The following NALF1 variants were observed in gnomAD, a reference collection of about 807,000 sequenced individuals.
The protein encoded by NALF1 is NALCN channel auxiliary factor 1.
A neutral mutation model predicts 48.4 loss-of-function variants in NALF1; 3 were observed. The observed-to-expected ratio is 0.06, with a 90% CI of 0.03 to 0.16. The LOEUF (loss-of-function observed/expected upper bound fraction) is 0.16, where lower values mean the gene tolerates loss of function less well. Among genes scored for constraint, NALF1 ranks in the 10% least tolerant of loss-of-function variants. The pLI is 1.00. For missense variants in NALF1, 526 were observed against 571.5 expected, an observed-to-expected ratio of 0.92 and a Z score of 0.81; for synonymous variants, 262 against 245.7, an observed-to-expected ratio of 1.07 and a Z score of -0.62.
At chr13:107,828,305 G>T (rs1478122854) in intron 1 of NALF1, among the ~76,000 whole-genome samples, 1 of 152,034 alleles carries the variant, frequency 6.6e-6, no homozygotes, top group Non-Finnish European at 1.5e-5. Flanking sequence ...GTTCTAATCT[G>T]CAGTGACTAC....
rs1883088938 is a variant in NALF1, at chr13:107,362,849, G to A, written c.916-152094C>T. On this transcript the variant is annotated intron_variant, in intron 1 of 2. Transcript: ENST00000375915. This position sits in a 1 kb window ranked among gnomAD's most constrained non-coding sequence, Gnocchi z 4.6. Reference sequence around the variant, plus strand: ...CAGGATGAATGTGAGCTTTTGGCAGGTCTAAAGTAAGTGGAGGGATTGGGT... The same window carrying A: ...CAGGATGAATGTGAGCTTTTGGCAGATCTAAAGTAAGTGGAGGGATTGGGT... 6.6e-6 allele frequency among the ~76,000 whole-genome samples: 1 copy of A among 152,134 alleles called. No homozygotes were observed. The highest frequency in any genetic ancestry group is 2.4e-5 in the African/African-American group (1 of 41,412).
Position 107,164,787 on chromosome 13 carries a change from GTGT to G in NALF1, c.*5707_*5709del, listed in dbSNP as rs1187278582. 1 of 148,710 alleles carries G rather than the reference GTGT, an allele frequency of 6.7e-6. No individual in the cohort carries two copies. Among genetic ancestry groups the G allele is most frequent in the East Asian group, 2.0e-4 (1 of 5,118 alleles). The allele number at this position is 148,710 out of a possible 1,614,324, so 9.2% of individuals were successfully genotyped here. On this transcript the variant is annotated 3_prime_UTR_variant, in exon 3 of 3. Transcript: ENST00000375915. ...CAGTCTGCTAGCTTAAGGATGTGAG[GTGT>G]TGTTAAAAAAAAAATGTAATTAAGA... is the stretch of plus-strand genomic sequence containing the variant.
At chr13:107,714,519 T>C (rs950514549) in intron 1 of NALF1, among the ~76,000 whole-genome samples, 1 of 150,524 alleles carries the variant, frequency 6.6e-6, no homozygotes, top group African/African-American at 2.4e-5. Flanking sequence ...ATATAAACGC[T>C]AGCCAGGTAT....
At chr13:107,411,308 T>TG (rs1883986794) in intron 1 of NALF1, among the ~76,000 whole-genome samples, 1 of 141,724 alleles carries the variant, frequency 7.1e-6, no homozygotes, top group South Asian at 2.2e-4. Context: ...CTTGTTTTTT[T>TG]TTTTTTTTTT....
chr13:107,726,913 TTGTGTGTGTGTGTG>T (rs1171461096), intron 1 of NALF1, among the ~76,000 whole-genome samples: 28 of 126,484 alleles, frequency 2.2e-4, no homozygotes, highest in South Asian at 8.4e-4. Context: ...CGGCAAATTC[TTGTGTGTGTGTGTG>T]TGTGTGTGTG....
At chr13:107,680,726 T>C (rs1881274720) in intron 1 of NALF1, among the ~76,000 whole-genome samples, 1 of 123,280 alleles carries the variant, frequency 8.1e-6, no homozygotes, top group South Asian at 3.1e-4. Flanking sequence ...GGTGTGAGAG[T>C]GTATGAGTGT....
At chr13:107,845,621 T>C (rs1291296919) in intron 1 of NALF1, among the ~76,000 whole-genome samples, 1 of 152,174 alleles carries the variant, frequency 6.6e-6, no homozygotes, top group African/African-American at 2.4e-5. Flanking sequence ...CATGAAACCA[T>C]AGTCATATAG....
intron 1 of NALF1, among the ~76,000 whole-genome samples, chr13:107,645,680 C>CAA (rs56187783): frequency 0.016 from 2,154 of 132,070 alleles, 66 homozygotes; most frequent in East Asian, 0.12. Flanking sequence ...TACTGGGAGA[C>CAA]AAAAAAAAAA....
rs1555329721 is a variant in NALF1, at chr13:107,851,805, C to CAT, written c.915+13876_915+13877insAT. On this transcript the variant is annotated intron_variant, in intron 1 of 2. Coordinates refer to ENST00000375915, the MANE Select transcript of NALF1 (RefSeq NM_001080396.3). ...GGATTAAGGGCTTTACAGGCCCTTT[C>CAT]TTTTTTTTTTTTTTTTTTTTTGAGA... Among the ~76,000 whole-genome samples the CAT allele has an allele frequency of 2.8e-3, 296 of 104,734 alleles. 17 individuals are homozygous for CAT. The highest frequency in any genetic ancestry group is 9.5e-3 in the African/African-American group (269 of 28,274). The allele number at this position is 104,734 out of a possible 152,430, so 68.7% of individuals were successfully genotyped here. A position where few individuals can be genotyped will look rare whatever the true frequency, so the allele number is the denominator to read the frequency against.
At chr13:107,779,519 G>T (rs925958872) in intron 1 of NALF1, among the ~76,000 whole-genome samples, 2 of 152,166 alleles carry the variant, frequency 1.3e-5, no homozygotes, top group African/African-American at 4.8e-5. Flanking sequence ...AGTGAGTAGG[G>T]TGAAGGAGAT....
intron 1 of NALF1, among the ~76,000 whole-genome samples, chr13:107,497,316 AC>A (rs1188639972): frequency 2.0e-5 from 3 of 152,202 alleles, no homozygotes; most frequent in Non-Finnish European, 4.4e-5. Context: ...TTTTATCTAA[AC>A]ACAATTTATG....
chr13:107,259,803 C>T (rs1880895336), intron 1 of NALF1, among the ~76,000 whole-genome samples: 1 of 152,186 alleles, frequency 6.6e-6, no homozygotes, highest in Admixed American at 6.5e-5. Flanking sequence ...GACAGTACAG[C>T]AGCTACTTGA....
At chr13:107,493,076 C>A (rs1472350762) in intron 1 of NALF1, among the ~76,000 whole-genome samples, 2 of 152,106 alleles carry the variant, frequency 1.3e-5, no homozygotes, top group African/African-American at 4.8e-5. Flanking sequence ...ATTATTACAG[C>A]TTGATGGCTT....
chr13:107,449,053 G>A (rs1478215656), intron 1 of NALF1, among the ~76,000 whole-genome samples: 1 of 152,144 alleles, frequency 6.6e-6, no homozygotes, highest in African/African-American at 2.4e-5. Flanking sequence ...AGACCAGCCT[G>A]GCCAACATGG....
At chr13:107,660,461 AC>A (rs1566434019) in intron 1 of NALF1, among the ~76,000 whole-genome samples, 72 of 133,284 alleles carry the variant, frequency 5.4e-4, no homozygotes, top group African/African-American at 1.8e-3. Context: ...ACACACACAC[AC>A]ACACACACAC....
chr13:107,604,944 T>C (rs1451407090), intron 1 of NALF1, among the ~76,000 whole-genome samples: 1 of 152,180 alleles, frequency 6.6e-6, no homozygotes, highest in African/African-American at 2.4e-5. Flanking sequence ...CCAGACCCTA[T>C]GGCATGTGTT....
intron 2 of NALF1, among the ~76,000 whole-genome samples, chr13:107,205,762 TG>T: frequency 6.6e-6 from 1 of 152,308 alleles, no homozygotes; most frequent in East Asian, 1.9e-4. Flanking sequence ...AAATCATGGC[TG>T]GTCTATTTTA....
intron 1 of NALF1, among the ~76,000 whole-genome samples, chr13:107,522,651 TGTACTGCA>T (rs1162055956): frequency 6.6e-6 from 1 of 152,022 alleles, no homozygotes; most frequent in Non-Finnish European, 1.5e-5. Context: ...TAGCCCAGAC[TGTACTGCA>T]GTGGTGTGAT....
chr13:107,368,377 C>T (rs1267998821), intron 1 of NALF1, among the ~76,000 whole-genome samples: 1 of 150,196 alleles, frequency 6.7e-6, no homozygotes, highest in Non-Finnish European at 1.5e-5. Context: ...AGTGCAATGG[C>T]CCAATCTCGG....
Sources: allele counts gnomAD v4.1 joint callset (sites outside exome capture counted in the v4.1 genomes callset), GRCh38; gene constraint gnomAD v4.1.1; non-coding constraint Gnocchi (gnomAD v3.1); transcripts MANE v1.5; gene names NCBI Gene and HGNC (gene_info 2026-07-23, HGNC 2026-07-21).